The following RIMS3 variants were observed in gnomAD, a reference collection of about 807,000 sequenced individuals.
RIMS3 encodes the protein regulating synaptic membrane exocytosis 3.
RIMS3 carries 15 observed loss-of-function variants against 29.2 expected under a neutral mutation model. The observed-to-expected ratio is 0.51, with a 90% CI of 0.34 to 0.79. RIMS3 has a LOEUF of 0.79. Ranked by LOEUF, RIMS3 falls within the 30% of genes least tolerant of loss-of-function variation. The pLI is 0.01. For synonymous variants in RIMS3, 161 were observed against 170.1 expected, an observed-to-expected ratio of 0.95 and a Z score of 0.41; for missense variants, 342 against 421.4, an observed-to-expected ratio of 0.81 and a Z score of 1.65.
At chr1:40,657,746 CAAAAAAA>C (rs34448324) in intron 1 of RIMS3, among the ~76,000 whole-genome samples, 1 of 88,126 alleles carries the variant, frequency 1.1e-5, no homozygotes, top group South Asian at 3.9e-4. Context: ...GACAATGTCT[CAAAAAAA>C]AAAAAAAAAA....
In RIMS3 at chr1:40,636,198, G is replaced by A. The variant is rs972232314; in HGVS notation, c.218-141C>T. ...GAGCAGGGCTCTGACTGGAGGCAGG[G>A]GCATGGCTGAGCTGACCTCAGAGCT... On this transcript the variant is annotated intron_variant, in intron 3 of 7. Transcript: ENST00000372684. The surrounding 1 kb of genome is among the most constrained non-coding windows in gnomAD (Gnocchi z 4.2). 3 of 1,096,672 alleles carry A rather than the reference G, an allele frequency of 2.7e-6. No homozygotes were observed. The highest frequency in any genetic ancestry group is 2.6e-6 in the Non-Finnish European group (2 of 761,762). The allele number at this position is 1,096,672 out of a possible 1,614,324, so 67.9% of individuals were successfully genotyped here.
chr1:40,626,325 T>TACACACAC lies in RIMS3; in HGVS notation c.*184_*191dup. The TACACACAC allele has an allele frequency of 1.7e-6, 1 of 599,042 alleles. No homozygotes were observed. Among genetic ancestry groups the TACACACAC allele is most frequent in the Non-Finnish European group, 3.0e-6 (1 of 330,450 alleles). 37.1% of individuals were successfully genotyped at this position (599,042 alleles called of 1,614,324 possible). A position where few individuals can be genotyped will look rare whatever the true frequency, so the allele number is the denominator to read the frequency against. On this transcript the variant is annotated 3_prime_UTR_variant, in exon 8 of 8. Transcript: ENST00000372684. ...AATGAACAGATAGAACGTGGTCACG[T>TACACACAC]ACACACACACACACACGCACGCACA... is the stretch of plus-strand genomic sequence containing the variant.
chr1:40,666,291 G>A (rs1219880668), upstream of RIMS3, among the ~76,000 whole-genome samples: 2 of 152,154 alleles, frequency 1.3e-5, no homozygotes, highest in Non-Finnish European at 2.9e-5. Flanking sequence ...GCCCCCCAGG[G>A]AACATTCGAC....
Position 40,629,293 on chromosome 1 carries a change from T to C in RIMS3, c.552A>G (p.Lys184=). The C allele has an allele frequency of 6.2e-7, 1 of 1,613,990 alleles. No homozygotes were observed. Among genetic ancestry groups the C allele is most frequent in the Non-Finnish European group, 8.5e-7 (1 of 1,179,922 alleles). The change falls in exon 6 of 8, where the codon AAA becomes AAG. Residue 184 remains lysine, a synonymous_variant. Transcript: ENST00000372684. ...EVIEARGLTP[K]PGSKSLPATY... is the part of the protein sequence containing the mutation. ...CACCTGGGAGGGATTTGGAGCCTGGTTTGGGGGTCAGGCCCCGAGCTTCAA... is the reference window on the plus strand; with the variant it reads ...CACCTGGGAGGGATTTGGAGCCTGGCTTGGGGGTCAGGCCCCGAGCTTCAA...
chr1:40,664,901 C>T (rs1260435323), intron 1 of RIMS3, among the ~76,000 whole-genome samples: 2 of 152,180 alleles, frequency 1.3e-5, no homozygotes, highest in Non-Finnish European at 2.9e-5. Flanking sequence ...CCTCTTCCCA[C>T]CCCAGGGCTG....
chr1:40,631,771 G>C (rs1646490743), intron 5 of RIMS3, among the ~76,000 whole-genome samples: 1 of 152,030 alleles, frequency 6.6e-6, no homozygotes, highest in Non-Finnish European at 1.5e-5. Flanking sequence ...AGGAGTTCCA[G>C]ACTAGCCTGG....
rs1193567076 is a variant in RIMS3, at chr1:40,654,094, C to G, written c.-206-6252G>C. On this transcript the variant is annotated intron_variant, in intron 1 of 7. Transcript: ENST00000372684. The surrounding 1 kb of genome is among the most constrained non-coding windows in gnomAD (Gnocchi z 5.3). The stretch of plus-strand genomic sequence containing the variant: ...GACACGGCAGTACCACGGACAGCGG[C>G]TGGCGACTCGCTCCCAGTCCCTCCC... 6.6e-6 allele frequency among the ~76,000 whole-genome samples: 1 copy of G among 151,818 alleles called. No homozygotes were observed. Among genetic ancestry groups the G allele is most frequent in the Admixed American group, 6.6e-5 (1 of 15,250 alleles).
chr1:40,681,956 C>T, the RIMS3 span, among the ~76,000 whole-genome samples: 4 of 152,310 alleles, frequency 2.6e-5, no homozygotes, highest in South Asian at 8.3e-4. Context: ...GCCTCCGCCT[C>T]CCAAGTAGCT....
At chr1:40,667,685 A>G (rs755852962), upstream of RIMS3, among the ~76,000 whole-genome samples, 2 of 152,200 alleles carry the variant, frequency 1.3e-5, no homozygotes, top group Non-Finnish European at 2.9e-5. Flanking sequence ...AAGTAATGAA[A>G]AGGGATTTGT....
chr1:40,677,217 C>T, the RIMS3 span, among the ~76,000 whole-genome samples: 3 of 151,602 alleles, frequency 2.0e-5, no homozygotes, highest in Admixed American at 2.0e-4. Context: ...GTTGGCCAGG[C>T]TGGTCTCGAA....
upstream of RIMS3, among the ~76,000 whole-genome samples, chr1:40,669,274 A>G (rs1642463210): frequency 6.6e-6 from 1 of 152,154 alleles, no homozygotes; most frequent in Non-Finnish European, 1.5e-5. Flanking sequence ...TCTTATCTCC[A>G]TTTGATGGAC....
At chr1:40,646,262 A>G (rs1028800969) in intron 2 of RIMS3, among the ~76,000 whole-genome samples, 35 of 152,162 alleles carry the variant, frequency 2.3e-4, no homozygotes, top group African/African-American at 8.0e-4. Flanking sequence ...AAGACATGCC[A>G]AAGTTACAGA....
At chr1:40,643,853 G>C (rs1361985301) in intron 2 of RIMS3, among the ~76,000 whole-genome samples, 1 of 152,144 alleles carries the variant, frequency 6.6e-6, no homozygotes, top group Non-Finnish European at 1.5e-5. Context: ...GACTGGATCA[G>C]GGGGTACAAA....
At chr1:40,657,868 C>T (rs1642293467) in intron 1 of RIMS3, among the ~76,000 whole-genome samples, 1 of 151,626 alleles carries the variant, frequency 6.6e-6, no homozygotes, top group Non-Finnish European at 1.5e-5. Context: ...GTTCAAGTCA[C>T]TGCACTCCAG....
chr1:40,644,282 A>G (rs547504076), intron 2 of RIMS3, among the ~76,000 whole-genome samples: 2 of 152,378 alleles, frequency 1.3e-5, no homozygotes, highest in South Asian at 4.1e-4. Flanking sequence ...TGTTACCTCC[A>G]AAAGCATCCT....
At chr1:40,669,897 G>A (rs1327605569), upstream of RIMS3, among the ~76,000 whole-genome samples, 1 of 152,204 alleles carries the variant, frequency 6.6e-6, no homozygotes, top group Non-Finnish European at 1.5e-5. Flanking sequence ...AAACTTGGGA[G>A]TCCCTCCTGA....
In RIMS3 at chr1:40,623,641, G is replaced by A. The variant is rs1646435691; in HGVS notation, c.*2876C>T. 1 of 397,776 alleles carries A rather than the reference G, an allele frequency of 2.5e-6. No individual in the cohort carries two copies. The highest frequency in any genetic ancestry group is 4.4e-6 in the Non-Finnish European group (1 of 226,010). The allele number at this position is 397,776 out of a possible 1,614,324, so 24.6% of individuals were successfully genotyped here. A position where few individuals can be genotyped will look rare whatever the true frequency, so the allele number is the denominator to read the frequency against. ...GGCCCCAGGGTGGGAGACTTCTGGA[G>A]GGATCATGTTCCTTCCTTCCCCACC... On this transcript the variant is annotated 3_prime_UTR_variant, in exon 8 of 8. Coordinates refer to ENST00000372684, the MANE Select transcript of RIMS3 (RefSeq NM_014747.3).
upstream of RIMS3, among the ~76,000 whole-genome samples, chr1:40,668,663 CT>C (rs1642456617): frequency 6.6e-6 from 1 of 152,026 alleles, no homozygotes; most frequent in Non-Finnish European, 1.5e-5. Flanking sequence ...TTTTAATAAT[CT>C]TGGAGATGGA....
the RIMS3 span, among the ~76,000 whole-genome samples, chr1:40,685,336 AT>A: frequency 5.6e-5 from 3 of 53,988 alleles, no homozygotes; most frequent in African/African-American, 9.0e-5. Flanking sequence ...ATATAATATA[AT>A]TATATTATAT....
Sources: allele counts gnomAD v4.1 joint callset (sites outside exome capture counted in the v4.1 genomes callset), GRCh38; gene constraint gnomAD v4.1.1; non-coding constraint Gnocchi (gnomAD v3.1); transcripts MANE v1.5; gene names NCBI Gene and HGNC (gene_info 2026-07-23, HGNC 2026-07-21).